The following MTCL3 variants were observed in gnomAD, a reference collection of about 807,000 sequenced individuals.
MTCL3 encodes microtubule cross-linking factor 3.
chr6:127,513,263 A>G, the MTCL3 span, among the ~76,000 whole-genome samples: 1 of 152,182 alleles, frequency 6.6e-6, no homozygotes, highest in African/African-American at 2.4e-5. Flanking sequence ...TATTACTTCT[A>G]TTTTGTAGAT....
At chr6:127,516,174 A>G in the MTCL3 span, 1 of 1,434,740 alleles carries the variant, frequency 7.0e-7, no homozygotes, top group Non-Finnish European at 9.1e-7. Context: ...CTAGCTCCCG[A>G]GGCGGCTCCT....
chr6:127,498,272 G>C, the MTCL3 span, among the ~76,000 whole-genome samples: 1 of 152,124 alleles, frequency 6.6e-6, no homozygotes. Flanking sequence ...ATTAAAAATA[G>C]GCTAAACATT....
the MTCL3 span, among the ~76,000 whole-genome samples, chr6:127,509,003 A>G: frequency 6.6e-6 from 1 of 152,222 alleles, no homozygotes; most frequent in Non-Finnish European, 1.5e-5. Flanking sequence ...TTTACATGAC[A>G]TAACTTTAAT....
At chr6:127,481,618 T>C in the MTCL3 span, among the ~76,000 whole-genome samples, 3 of 150,990 alleles carry the variant, frequency 2.0e-5, no homozygotes, top group South Asian at 4.2e-4. Flanking sequence ...AGTTAAATTA[T>C]CTATCTAATG....
chr6:127,500,872 T>C, the MTCL3 span, among the ~76,000 whole-genome samples: 1 of 152,144 alleles, frequency 6.6e-6, no homozygotes, highest in African/African-American at 2.4e-5. Flanking sequence ...AGTGCAGTGG[T>C]GCGATCTCAG....
the MTCL3 span, chr6:127,475,776 G>C: frequency 3.1e-6 from 5 of 1,609,300 alleles, no homozygotes; most frequent in South Asian, 4.4e-5. This position sits in a 1 kb window ranked among gnomAD's most constrained non-coding sequence, Gnocchi z 7.3. Context: ...CGGCGTCGCT[G>C]TCGCGGGGGC....
chr6:127,483,835 T>C, the MTCL3 span, among the ~76,000 whole-genome samples: 1 of 152,198 alleles, frequency 6.6e-6, no homozygotes, highest in Non-Finnish European at 1.5e-5. Flanking sequence ...GTCTACCATA[T>C]ACTACACATT....
At chr6:127,498,380 T>A in the MTCL3 span, among the ~76,000 whole-genome samples, 5 of 152,172 alleles carry the variant, frequency 3.3e-5, no homozygotes, top group Non-Finnish European at 5.9e-5. Context: ...ACCACAATGA[T>A]GTATCATTTG....
the MTCL3 span, among the ~76,000 whole-genome samples, chr6:127,473,896 C>G: frequency 3.3e-5 from 5 of 152,184 alleles, no homozygotes; most frequent in Non-Finnish European, 7.4e-5. Context: ...GTGGTTAACT[C>G]TGACAAAATG....
the MTCL3 span, among the ~76,000 whole-genome samples, chr6:127,505,581 C>T: frequency 6.6e-6 from 1 of 152,052 alleles, no homozygotes; most frequent in Non-Finnish European, 1.5e-5. Flanking sequence ...AGGCTTAATA[C>T]CTGAGTGATG....
At chr6:127,513,117 C>A in the MTCL3 span, 1 of 1,395,720 alleles carries the variant, frequency 7.2e-7, no homozygotes, top group South Asian at 1.4e-5. Flanking sequence ...AAATTGTATT[C>A]CTATTGAAAG....
chr6:127,507,791 C>T, the MTCL3 span, among the ~76,000 whole-genome samples: 3 of 142,508 alleles, frequency 2.1e-5, no homozygotes, highest in African/African-American at 5.4e-5. Context: ...TGCAGTGAGC[C>T]GAGATTGCAC....
At chr6:127,497,055 A>G in the MTCL3 span, among the ~76,000 whole-genome samples, 1 of 152,230 alleles carries the variant, frequency 6.6e-6, no homozygotes, top group Non-Finnish European at 1.5e-5. Context: ...ATGGGCATGA[A>G]GAATCTCACT....
chr6:127,486,707 T>A, the MTCL3 span, among the ~76,000 whole-genome samples: 1 of 152,246 alleles, frequency 6.6e-6, no homozygotes. Flanking sequence ...GGCTGCTGTT[T>A]TTTTTGATCA....
the MTCL3 span, chr6:127,481,264 A>G: frequency 1.0e-6 from 1 of 977,178 alleles, no homozygotes; most frequent in South Asian, 4.7e-5. Context: ...AAGAAGATTC[A>G]TGGCAACACG....
chr6:127,508,565 T>C, the MTCL3 span, among the ~76,000 whole-genome samples: 3 of 152,296 alleles, frequency 2.0e-5, no homozygotes, highest in Admixed American at 6.5e-5. Context: ...GAGCAAAGAC[T>C]GGGAAAAGTT....
chr6:127,480,185 C>T, the MTCL3 span, among the ~76,000 whole-genome samples: 1 of 152,164 alleles, frequency 6.6e-6, no homozygotes, highest in Non-Finnish European at 1.5e-5. Context: ...CTACTAGAAA[C>T]TAAATTGCAT....
chr6:127,510,375 A>T, the MTCL3 span, among the ~76,000 whole-genome samples: 2 of 152,126 alleles, frequency 1.3e-5, no homozygotes, highest in African/African-American at 2.4e-5. Context: ...TGAGCAAAAG[A>T]ATCAAGGAAA....
the MTCL3 span, among the ~76,000 whole-genome samples, chr6:127,485,344 G>C: frequency 6.6e-6 from 1 of 152,100 alleles, no homozygotes; most frequent in Non-Finnish European, 1.5e-5. Flanking sequence ...AATTCCATAT[G>C]GGTGTTACAG....
Sources: allele counts gnomAD v4.1 joint callset (sites outside exome capture counted in the v4.1 genomes callset), GRCh38; gene constraint gnomAD v4.1.1; non-coding constraint Gnocchi (gnomAD v3.1); transcripts MANE v1.5; gene names NCBI Gene and HGNC (gene_info 2026-07-23, HGNC 2026-07-21).